The following TNNI3K variants were observed in gnomAD, a reference collection of about 807,000 sequenced individuals.
The protein encoded by TNNI3K is serine/threonine-protein kinase TNNI3K.
Under a neutral mutation model 114.5 loss-of-function variants are expected in TNNI3K, and 140 were observed. That is an observed-to-expected ratio of 1.22 (90% CI 1.07 to 1.41). The LOEUF is 1.41. Among genes scored for constraint, TNNI3K ranks in the 40% most tolerant of loss-of-function variants. The probability of loss-of-function intolerance (pLI) is 0.00; values close to 1 mark genes in which losing one functional copy is unlikely to be tolerated. For missense variants in TNNI3K, 1,125 were observed against 1,007.6 expected, an observed-to-expected ratio of 1.12 and a Z score of -1.58; for synonymous variants, 347 against 347.5, an observed-to-expected ratio of 1.00 and a Z score of 0.02.
At chr1:74,495,066 T>A (rs1669258948) in intron 23 of TNNI3K, among the ~76,000 whole-genome samples, 1 of 152,192 alleles carries the variant, frequency 6.6e-6, no homozygotes, top group Non-Finnish European at 1.5e-5. Flanking sequence ...AAAAAACCCA[T>A]CAGCTTTTTT....
At chr1:74,288,790 A>G (rs1440646697) in intron 5 of TNNI3K, among the ~76,000 whole-genome samples, 2 of 152,100 alleles carry the variant, frequency 1.3e-5, no homozygotes, top group African/African-American at 4.8e-5. Context: ...AAATTTAACT[A>G]TGTGAGGTGA....
intron 4 of TNNI3K, among the ~76,000 whole-genome samples, chr1:74,259,748 G>A (rs1655556238): frequency 6.6e-6 from 1 of 152,008 alleles, no homozygotes; most frequent in Admixed American, 6.5e-5. Context: ...ACTCCAGCTG[G>A]GCAATAGAGC....
chr1:74,439,692 T>C lies in TNNI3K; in HGVS notation c.2011+70T>C, dbSNP rs1666292885. The C allele has an allele frequency of 1.9e-6, 3 of 1,571,034 alleles. No individual in the cohort carries two copies. In the Admixed American group the frequency reaches 5.5e-5, roughly 29 times the overall value. ...CTGGATTTTTATAACTTCAAGAAAA[T>C]TTTTTTTCACAAAATGATTAGTCTC... On this transcript the variant is annotated intron_variant, in intron 20 of 24. Transcript: ENST00000326637.
chr1:74,333,546 TCA>T (rs1196817774), intron 6 of TNNI3K, among the ~76,000 whole-genome samples: 4 of 152,216 alleles, frequency 2.6e-5, no homozygotes, highest in Non-Finnish European at 5.9e-5. Context: ...GAAAATATAG[TCA>T]CAGTCTTATA....
intron 3 of TNNI3K, among the ~76,000 whole-genome samples, chr1:74,249,882 G>A (rs1284225350): frequency 6.6e-6 from 1 of 152,158 alleles, no homozygotes; most frequent in African/African-American, 2.4e-5. Context: ...TCATCAAGCA[G>A]TTGCTTCACA....
chr1:74,289,216 T>A (rs184284007), intron 5 of TNNI3K, among the ~76,000 whole-genome samples: 19 of 152,168 alleles, frequency 1.2e-4, no homozygotes, highest in African/African-American at 4.3e-4. Context: ...GTTGACCTTG[T>A]AGAACCATTT....
At chr1:74,301,303 G>A (rs1658318782) in intron 5 of TNNI3K, among the ~76,000 whole-genome samples, 2 of 152,082 alleles carry the variant, frequency 1.3e-5, no homozygotes, top group Admixed American at 6.5e-5. Context: ...GGGAGGCTGA[G>A]GCAGGAGAAT....
chr1:74,355,105 TA>T lies in TNNI3K; in HGVS notation c.1177+983del, dbSNP rs535049031. On this transcript the variant is annotated intron_variant, in intron 11 of 24. Transcript: ENST00000326637. ...AATTATAGGTTATAATTGAATACTATAAAAAAATGCCAGATTTTAAAGTCAC... is the reference window on the plus strand; with the variant it reads ...AATTATAGGTTATAATTGAATACTATAAAAAATGCCAGATTTTAAAGTCAC... 1.3e-3 allele frequency among the ~76,000 whole-genome samples: 201 copies of T among 152,256 alleles called. 1 individual carries two copies. Among genetic ancestry groups the T allele is most frequent in the African/African-American group, 4.6e-3 (191 of 41,548 alleles).
intron 17 of TNNI3K, chr1:74,370,742 G>A (rs1375930137): frequency 6.1e-6 from 1 of 163,482 alleles, no homozygotes; most frequent in Non-Finnish European, 1.3e-5. Flanking sequence ...TGAAGTGTTG[G>A]AGTAGCTCCT....
chr1:74,414,185 C>G (rs1264423856), intron 17 of TNNI3K, among the ~76,000 whole-genome samples: 1 of 152,054 alleles, frequency 6.6e-6, no homozygotes, highest in African/African-American at 2.4e-5. Flanking sequence ...AATATTCTGT[C>G]CATATATAAC....
At chr1:74,397,760 A>G (rs74421181) in intron 17 of TNNI3K, among the ~76,000 whole-genome samples, 2,007 of 152,310 alleles carry the variant, frequency 0.013, 27 homozygotes, top group Middle Eastern at 0.048. Flanking sequence ...AGCATATCAT[A>G]TGTTATGATA....
intron 20 of TNNI3K, among the ~76,000 whole-genome samples, chr1:74,462,942 C>T (rs769251953): frequency 2.2e-4 from 34 of 152,020 alleles, no homozygotes; most frequent in Non-Finnish European, 4.4e-4. Flanking sequence ...ATTAAAATCC[C>T]AACAACTTTG....
chr1:74,512,423 A>G (rs1263575741), intron 23 of TNNI3K: 2 of 152,204 alleles, frequency 1.3e-5, no homozygotes, highest in Admixed American at 1.3e-4. Flanking sequence ...CCACATGATC[A>G]TCTGTTTATA....
intron 7 of TNNI3K, among the ~76,000 whole-genome samples, chr1:74,336,572 T>G (rs1306133361): frequency 2.0e-5 from 3 of 147,144 alleles, no homozygotes; most frequent in South Asian, 2.3e-4. Context: ...CATTGTTCAA[T>G]TCCCACCTAT....
At chr1:74,535,006 A>T (rs1239698478) in intron 23 of TNNI3K, among the ~76,000 whole-genome samples, 1 of 150,206 alleles carries the variant, frequency 6.7e-6, no homozygotes, top group African/African-American at 2.5e-5. Flanking sequence ...GTGGTAACGT[A>T]TAGCCAGATA....
At chr1:74,483,488 C>G (rs1570682221) in intron 21 of TNNI3K, 1 of 546,184 alleles carries the variant, frequency 1.8e-6, no homozygotes, top group East Asian at 3.0e-5. Context: ...CAATGAGCAT[C>G]TTGGTGTTCT....
chr1:74,275,207 T>G (rs1229228178), intron 5 of TNNI3K, among the ~76,000 whole-genome samples: 1 of 152,044 alleles, frequency 6.6e-6, no homozygotes, highest in Non-Finnish European at 1.5e-5. Flanking sequence ...GAGATTTAAC[T>G]GGACTTACAG....
intron 21 of TNNI3K, chr1:74,475,540 G>T (rs899246174): frequency 2.9e-5 from 21 of 717,338 alleles, no homozygotes; most frequent in Admixed American, 2.4e-4. Flanking sequence ...AAGGGTTGCA[G>T]ACTCAGAGGC....
chr1:74,328,997 A>T (rs1347190785), intron 5 of TNNI3K, among the ~76,000 whole-genome samples: 1 of 152,168 alleles, frequency 6.6e-6, no homozygotes, highest in Non-Finnish European at 1.5e-5. Flanking sequence ...AGCTCTTGTT[A>T]TAAATGGCTT....
Sources: gnomAD v4.1 joint callset for allele counts (sites outside exome capture counted in the v4.1 genomes callset) on GRCh38, gnomAD v4.1.1 for gene constraint, MANE v1.5 for transcripts, NCBI Gene and HGNC (gene_info 2026-07-23, HGNC 2026-07-21) for gene names.